The following ZFPM2 variants were observed in gnomAD, a reference collection of about 807,000 sequenced individuals.
ZFPM2 encodes zinc finger protein ZFPM2.
Under a neutral mutation model 98.6 loss-of-function variants are expected in ZFPM2, and 20 were observed. That is an observed-to-expected ratio of 0.20 (90% confidence interval 0.14 to 0.29). ZFPM2 has a LOEUF of 0.29. Among genes scored for constraint, ZFPM2 ranks in the 10% least tolerant of loss-of-function variants. The pLI is 1.00. For synonymous variants in ZFPM2, 518 were observed against 502.7 expected (o/e 1.03, Z -0.41); for missense variants, 1,310 against 1,388.6 (o/e 0.94, Z 0.90).
At chr8:105,659,570 T>C (rs953124988) in intron 5 of ZFPM2, among the ~76,000 whole-genome samples, 8 of 152,186 alleles carry the variant, frequency 5.3e-5, no homozygotes, top group Non-Finnish European at 1.2e-4. Flanking sequence ...ATTACAGAAT[T>C]ACTAGGTTTT....
chr8:105,738,072 C>T (rs1486001100), intron 5 of ZFPM2, among the ~76,000 whole-genome samples: 2 of 151,752 alleles, frequency 1.3e-5, no homozygotes, highest in Non-Finnish European at 2.9e-5. Context: ...TGTTGTATAA[C>T]TAAACTTGTG....
At position 105,738,094 on chromosome 8, in the gene ZFPM2, C is replaced by T. The variant is rs376015306; in HGVS notation, c.533-50624C>T. Among the ~76,000 whole-genome samples, 10 of 151,786 alleles carry T rather than the reference C, an allele frequency of 6.6e-5. No homozygotes were observed. In the East Asian group the frequency reaches 1.2e-3, roughly 18 times the overall value. ...TAACTAAACTTGTGTCATGGGGGTTCGTTATACAGATTATTTCATCACCCA... is the reference window on the plus strand; with the variant it reads ...TAACTAAACTTGTGTCATGGGGGTTTGTTATACAGATTATTTCATCACCCA... On this transcript the variant is annotated intron_variant, in intron 5 of 7. Transcript: ENST00000407775.
At chr8:105,321,788 C>A (rs138800355) in intron 1 of ZFPM2, among the ~76,000 whole-genome samples, 1 of 151,958 alleles carries the variant, frequency 6.6e-6, no homozygotes, top group South Asian at 2.1e-4. Context: ...GAAAGATAAG[C>A]GGAGAAGATA....
Position 105,792,075 on chromosome 8 carries a change from G to A in ZFPM2, c.739+3151G>A, listed in dbSNP as rs537314452. On this transcript the variant is annotated intron_variant, in intron 6 of 7. Coordinates refer to ENST00000407775, the MANE Select transcript of ZFPM2 (RefSeq NM_012082.4). The stretch of plus-strand genomic sequence containing the variant: ...TTCATTAATTTTTGAAGGGTTTTTT[G>A]TGTCTCTATTTCCTTCAGTTCTGCT... 1.7e-3 allele frequency among the ~76,000 whole-genome samples: 263 copies of A among 152,106 alleles called. 1 individual carries two copies. Among genetic ancestry groups the A allele is most frequent in the Middle Eastern group, 0.01 (3 of 292 alleles).
chr8:105,419,034 G>A, intron 1 of ZFPM2, 110 bp from the exon 2 acceptor site: 1 of 925,590 alleles, frequency 1.1e-6, no homozygotes, highest in Non-Finnish European at 1.6e-6. Flanking sequence ...GTACTACTTA[G>A]AGTATATTAT....
At chr8:105,583,016 G>A (rs1206128979) in intron 4 of ZFPM2, among the ~76,000 whole-genome samples, 1 of 152,142 alleles carries the variant, frequency 6.6e-6, no homozygotes, top group East Asian at 1.9e-4. Context: ...ATACCTTTAA[G>A]CCATAGAAAT....
chr8:105,763,717 G>T (rs771348605), intron 5 of ZFPM2, among the ~76,000 whole-genome samples: 1 of 151,814 alleles, frequency 6.6e-6, no homozygotes, highest in African/African-American at 2.4e-5. Context: ...TTATAGTTGA[G>T]TTCCTTACCC....
chr8:105,381,378 A>T (rs1373446838), intron 1 of ZFPM2, among the ~76,000 whole-genome samples: 1 of 151,954 alleles, frequency 6.6e-6, no homozygotes, highest in Admixed American at 6.6e-5. Flanking sequence ...ACGTCACTTC[A>T]TTCTTCTTGA....
chr8:105,761,904 A>G (rs1005495675), intron 5 of ZFPM2, among the ~76,000 whole-genome samples: 1 of 152,014 alleles, frequency 6.6e-6, no homozygotes, highest in African/African-American at 2.4e-5. Context: ...ACTGAAGCAC[A>G]TAAATACAAT....
At chr8:105,554,372 A>T (rs1372419831) in intron 3 of ZFPM2, among the ~76,000 whole-genome samples, 1 of 152,162 alleles carries the variant, frequency 6.6e-6, no homozygotes, top group Non-Finnish European at 1.5e-5. Context: ...TGGTTAAACC[A>T]TAAAATAGCA....
intron 4 of ZFPM2, among the ~76,000 whole-genome samples, chr8:105,588,889 G>T (rs902257909): frequency 1.3e-5 from 2 of 152,124 alleles, no homozygotes; most frequent in African/African-American, 4.8e-5. Context: ...AGTAGGCTTG[G>T]TACTCTCTCC....
chr8:105,729,491 T>C (rs927562167), intron 5 of ZFPM2, among the ~76,000 whole-genome samples: 1 of 151,712 alleles, frequency 6.6e-6, no homozygotes, highest in Admixed American at 6.6e-5. Context: ...ATGTATTGTA[T>C]AGACATTTTA....
intron 4 of ZFPM2, 114 bp downstream of exon 4, chr8:105,561,595 GT>G: frequency 1.1e-6 from 1 of 914,974 alleles, no homozygotes; most frequent in African/African-American, 1.7e-5. Context: ...ATAACCATTT[GT>G]TTTTGCTTTT....
chr8:105,493,472 G>A (rs866175231), intron 3 of ZFPM2, among the ~76,000 whole-genome samples: 4 of 152,110 alleles, frequency 2.6e-5, no homozygotes, highest in African/African-American at 7.2e-5. Context: ...ATCTTGTACC[G>A]CATGCTATAC....
intron 4 of ZFPM2, among the ~76,000 whole-genome samples, chr8:105,582,896 T>A (rs1338533268): frequency 1.3e-5 from 2 of 152,168 alleles, no homozygotes; most frequent in African/African-American, 4.8e-5. Flanking sequence ...GCCCCTCCTG[T>A]TTTCAGTTTT....
intron 3 of ZFPM2, among the ~76,000 whole-genome samples, chr8:105,521,398 T>G (rs1397030738): frequency 8.8e-6 from 1 of 113,036 alleles, no homozygotes; most frequent in African/African-American, 5.4e-5. Flanking sequence ...GAGAAATATA[T>G]TAAGGGGGGA....
intron 1 of ZFPM2, among the ~76,000 whole-genome samples, chr8:105,385,328 C>T (rs1245633003): frequency 6.6e-6 from 1 of 152,126 alleles, no homozygotes. Context: ...TTATTTCTGT[C>T]TATTCTTAGT....
chr8:105,796,341 GT>G (rs1813814144), intron 6 of ZFPM2, among the ~76,000 whole-genome samples: 2 of 152,154 alleles, frequency 1.3e-5, no homozygotes, highest in South Asian at 4.1e-4. Flanking sequence ...AGCTATTTAT[GT>G]CAAATAATTC....
chr8:105,548,797 A>G (rs1814773685), intron 3 of ZFPM2, among the ~76,000 whole-genome samples: 1 of 152,096 alleles, frequency 6.6e-6, no homozygotes, highest in African/African-American at 2.4e-5. Context: ...CACTTGTTAT[A>G]TTAGGTCGTA....
Sources: allele counts gnomAD v4.1 joint callset (sites outside exome capture counted in the v4.1 genomes callset), GRCh38; gene constraint gnomAD v4.1.1; transcripts MANE v1.5; gene names NCBI Gene and HGNC (gene_info 2026-07-23, HGNC 2026-07-21).